Variants in CSMD1 observed in about 807,000 individuals in gnomAD.
CSMD1 encodes the protein CUB and sushi domain-containing protein 1.
CSMD1 carries 213 observed loss-of-function variants against 417.5 expected under a neutral mutation model. The observed-to-expected ratio is 0.51, with a 90% confidence interval of 0.46 to 0.57. The LOEUF (loss-of-function observed/expected upper bound fraction) is 0.57. Ranked by LOEUF, CSMD1 falls within the 20% of genes least tolerant of loss-of-function variation. The pLI, the probability that CSMD1 is intolerant of heterozygous loss-of-function variation, is 0.00. For missense variants in CSMD1, 6,923 were observed against 4,529.7 expected (o/e 1.53, Z -15.17); for synonymous variants, 2,862 against 1,736.8 (o/e 1.65, Z -16.11).
At position 4,461,520 on chromosome 8, in the gene CSMD1, T is replaced by A. The variant is rs1033083516; in HGVS notation, c.303-41455A>T. Among the ~76,000 whole-genome samples, 4 of 140,234 alleles carry A rather than the reference T, an allele frequency of 2.9e-5. No individual in the cohort carries two copies. In the Admixed American group the frequency reaches 3.2e-4, roughly 11 times the overall value. The allele number at this position is 140,234 out of a possible 152,430, so 92.0% of individuals were successfully genotyped here. On this transcript the variant is annotated intron_variant, in intron 2 of 69. Transcript: ENST00000635120. ...TCCAGCAAGGTTACAGAGTAGAAGA[T>A]GAATATGCAAAAATCCATATTTTTT...
chr8:3,143,293 T>G (rs1172922391), intron 40 of CSMD1, among the ~76,000 whole-genome samples: 1 of 152,186 alleles, frequency 6.6e-6, no homozygotes, highest in Non-Finnish European at 1.5e-5. Context: ...CAAGCGGTCA[T>G]TTTCTATTGT....
At chr8:3,875,344 G>A (rs115496771) in intron 5 of CSMD1, among the ~76,000 whole-genome samples, 1 of 152,208 alleles carries the variant, frequency 6.6e-6, no homozygotes, top group Non-Finnish European at 1.5e-5. Context: ...AGGAGAATTA[G>A]ATACTAAGAA....
intron 3 of CSMD1, among the ~76,000 whole-genome samples, chr8:4,333,467 T>C (rs898087252): frequency 5.3e-5 from 8 of 152,150 alleles, no homozygotes; most frequent in African/African-American, 1.7e-4. Context: ...AGTTTCCTTA[T>C]CTTGGAAATT....
chr8:3,749,170 A>G (rs1013971355), intron 6 of CSMD1, among the ~76,000 whole-genome samples: 2 of 152,174 alleles, frequency 1.3e-5, no homozygotes, highest in African/African-American at 4.8e-5. Flanking sequence ...CTTACAAGGC[A>G]CTTATTTAAT....
chr8:3,998,958 G>A (rs934669955), intron 4 of CSMD1, among the ~76,000 whole-genome samples: 1 of 144,400 alleles, frequency 6.9e-6, no homozygotes, highest in African/African-American at 2.5e-5. Flanking sequence ...CAAACTATAT[G>A]GTAGTTTATA....
chr8:4,909,516 C>T (rs1413824259), intron 1 of CSMD1, among the ~76,000 whole-genome samples: 1 of 152,146 alleles, frequency 6.6e-6, no homozygotes, highest in African/African-American at 2.4e-5. Context: ...AGAAAGCCTT[C>T]CTGATGTAGA....
chr8:3,102,714 TA>T (rs1661286899), intron 46 of CSMD1, among the ~76,000 whole-genome samples: 1 of 152,112 alleles, frequency 6.6e-6, no homozygotes, highest in Non-Finnish European at 1.5e-5. Context: ...AGTTACATAT[TA>T]AAAGCTGAAA....
At chr8:3,139,066 G>A (rs977441246) in intron 41 of CSMD1, among the ~76,000 whole-genome samples, 3 of 152,160 alleles carry the variant, frequency 2.0e-5, no homozygotes, top group Non-Finnish European at 1.5e-5. Flanking sequence ...TTAGTGAGAT[G>A]GGGGCACTGG....
intron 5 of CSMD1, among the ~76,000 whole-genome samples, chr8:3,836,689 A>G (rs1018600362): frequency 4.6e-5 from 7 of 152,146 alleles, no homozygotes; most frequent in African/African-American, 1.7e-4. Context: ...TTTGTTCAAT[A>G]TGGTTAGAAT....
intron 3 of CSMD1, among the ~76,000 whole-genome samples, chr8:4,339,020 A>C (rs1800329650): frequency 6.6e-6 from 1 of 152,132 alleles, no homozygotes; most frequent in African/African-American, 2.4e-5. Context: ...CTTTTCTGTG[A>C]GGCTCAATTG....
intron 3 of CSMD1, among the ~76,000 whole-genome samples, chr8:4,411,035 G>T (rs960622400): frequency 6.6e-6 from 1 of 152,028 alleles, no homozygotes; most frequent in Non-Finnish European, 1.5e-5. Context: ...TTCCCGTTTT[G>T]CTGGTCCACC....
At chr8:4,255,246 T>C (rs556370852) in intron 3 of CSMD1, among the ~76,000 whole-genome samples, 2 of 152,136 alleles carry the variant, frequency 1.3e-5, no homozygotes, top group Admixed American at 6.5e-5. Context: ...TGACTAAAAT[T>C]TTATCCAGTG....
chr8:3,047,801 C>A (rs1811559223), intron 50 of CSMD1, among the ~76,000 whole-genome samples: 1 of 152,166 alleles, frequency 6.6e-6, no homozygotes, highest in Admixed American at 6.5e-5. Flanking sequence ...GACCAGCTTG[C>A]AATGCAGAGG....
At chr8:3,507,430 G>C (rs559774805) in intron 10 of CSMD1, among the ~76,000 whole-genome samples, 2 of 152,284 alleles carry the variant, frequency 1.3e-5, no homozygotes, top group East Asian at 3.9e-4. Flanking sequence ...TTGGTTCCAA[G>C]TCTTTGCTAT....
At chr8:4,399,662 A>G (rs1804514884) in intron 3 of CSMD1, among the ~76,000 whole-genome samples, 1 of 152,138 alleles carries the variant, frequency 6.6e-6, no homozygotes, top group Non-Finnish European at 1.5e-5. Context: ...CACATATTGT[A>G]GTCTGCAGCT....
At chr8:3,698,942 T>C (rs527608108) in intron 7 of CSMD1, among the ~76,000 whole-genome samples, 73 of 152,344 alleles carry the variant, frequency 4.8e-4, no homozygotes, top group African/African-American at 1.7e-3. Flanking sequence ...GTATCCTGTG[T>C]TCTAAGTCAG....
intron 5 of CSMD1, among the ~76,000 whole-genome samples, chr8:3,780,636 T>A (rs1584987259): frequency 1.3e-5 from 2 of 152,176 alleles, no homozygotes. Context: ...TGCTCCCAGC[T>A]CCTGGGGTTG....
intron 1 of CSMD1, among the ~76,000 whole-genome samples, chr8:4,959,761 C>T (rs902205590): frequency 5.9e-5 from 9 of 152,188 alleles, no homozygotes; most frequent in South Asian, 2.1e-4. Flanking sequence ...TCTTCCTGTA[C>T]GTGACCTTTG....
intron 3 of CSMD1, among the ~76,000 whole-genome samples, chr8:4,402,950 G>T (rs1341542375): frequency 6.6e-5 from 10 of 151,362 alleles, no homozygotes; most frequent in African/African-American, 2.4e-4. Context: ...CTCCTGAGTA[G>T]CTGGGACTAC....
Sources: gnomAD v4.1 joint callset for allele counts (sites outside exome capture counted in the v4.1 genomes callset) on GRCh38, gnomAD v4.1.1 for gene constraint, MANE v1.5 for transcripts, NCBI Gene and HGNC (gene_info 2026-07-23, HGNC 2026-07-21) for gene names.